RANBP2: variants seen among roughly 807,000 people sequenced by gnomAD.
RANBP2 encodes E3 SUMO-protein ligase RanBP2.
Under a neutral mutation model 303.6 loss-of-function variants are expected in RANBP2, and 57 were observed. That is an observed-to-expected ratio of 0.19 (90% CI 0.15 to 0.23). The LOEUF (loss-of-function observed/expected upper bound fraction) is 0.23, where lower values mean the gene tolerates loss of function less well. Among genes scored for constraint, RANBP2 ranks in the 10% least tolerant of loss-of-function variants. The pLI is 1.00. For synonymous variants in RANBP2, 1,167 were observed against 1,301.5 expected (o/e 0.90, Z 2.23); for missense variants, 3,138 against 3,780.8 (o/e 0.83, Z 4.46).
chr2:109,593,168 C>G, the RANBP2 span: 2 of 1,250,298 alleles, frequency 1.6e-6, no homozygotes, highest in Non-Finnish European at 2.3e-6. Context: ...CATTACTCCC[C>G]AAACCCCATT....
the RANBP2 span, among the ~76,000 whole-genome samples, chr2:108,890,836 A>G: frequency 9.2e-5 from 14 of 152,288 alleles, no homozygotes; most frequent in Non-Finnish European, 1.8e-4. Context: ...CCCAAGTGTC[A>G]TGAAGGCTTT....
chr2:109,090,337 CACACACACACACA>C, the RANBP2 span, among the ~76,000 whole-genome samples: 11 of 146,812 alleles, frequency 7.5e-5, no homozygotes, highest in Non-Finnish European at 1.4e-4. Context: ...CACACACACA[CACACACACACACA>C]CACACACACC....
chr2:109,703,119 G>A, the RANBP2 span, among the ~76,000 whole-genome samples: 1 of 152,144 alleles, frequency 6.6e-6, no homozygotes, highest in Admixed American at 6.5e-5. Flanking sequence ...TAAAGTAATA[G>A]GAAAAATAAA....
the RANBP2 span, among the ~76,000 whole-genome samples, chr2:109,611,918 T>G: frequency 6.6e-6 from 1 of 152,220 alleles, no homozygotes; most frequent in African/African-American, 2.4e-5. Flanking sequence ...TGAGAAAGTC[T>G]GGCAGTTTCT....
the RANBP2 span, among the ~76,000 whole-genome samples, chr2:108,827,665 A>G: frequency 1.3e-5 from 2 of 152,028 alleles, no homozygotes; most frequent in African/African-American, 4.8e-5. Context: ...AAATACAAAA[A>G]ATTAGCCAGG....
At chr2:109,635,772 G>A in the RANBP2 span, among the ~76,000 whole-genome samples, 1 of 152,220 alleles carries the variant, frequency 6.6e-6, no homozygotes, top group Admixed American at 6.5e-5. Flanking sequence ...ATTCCAATTA[G>A]ATGCCATGCA....
chr2:109,200,295 C>T, the RANBP2 span, among the ~76,000 whole-genome samples: 1 of 152,160 alleles, frequency 6.6e-6, no homozygotes, highest in Non-Finnish European at 1.5e-5. Context: ...CGTCTGTTTG[C>T]TCAGAGGCCT....
chr2:109,023,911 C>T, the RANBP2 span, among the ~76,000 whole-genome samples: 5 of 151,174 alleles, frequency 3.3e-5, no homozygotes, highest in African/African-American at 1.2e-4. Flanking sequence ...GTGATCACTG[C>T]TTATATTTTT....
chr2:109,495,937 A>G, the RANBP2 span, among the ~76,000 whole-genome samples: 63 of 152,192 alleles, frequency 4.1e-4, no homozygotes, highest in Non-Finnish European at 7.3e-4. Flanking sequence ...AATATATGCT[A>G]TTGTGTCCAG....
the RANBP2 span, among the ~76,000 whole-genome samples, chr2:109,494,478 G>C: frequency 6.6e-6 from 1 of 151,424 alleles, no homozygotes; most frequent in African/African-American, 2.4e-5. Flanking sequence ...CTGGGAAAAT[G>C]CTGACTCCTC....
chr2:109,038,439 G>C, the RANBP2 span, among the ~76,000 whole-genome samples: 1 of 152,024 alleles, frequency 6.6e-6, no homozygotes, highest in African/African-American at 2.4e-5. Context: ...TGCAAGACCA[G>C]CCTTAGCAAC....
the RANBP2 span, among the ~76,000 whole-genome samples, chr2:109,366,819 C>T: frequency 6.6e-6 from 1 of 152,158 alleles, no homozygotes; most frequent in Non-Finnish European, 1.5e-5. Flanking sequence ...TGCCACTGCA[C>T]TCCAGCCTGG....
At chr2:108,808,113 G>A in the RANBP2 span, among the ~76,000 whole-genome samples, 1 of 152,070 alleles carries the variant, frequency 6.6e-6, no homozygotes, top group Admixed American at 6.6e-5. Flanking sequence ...TGTGTGGTAA[G>A]GTCTTTCAGG....
the RANBP2 span, among the ~76,000 whole-genome samples, chr2:109,698,936 GAGCATTGTACTTTGTTTGGCA>G: frequency 1.3e-5 from 2 of 152,170 alleles, no homozygotes; most frequent in African/African-American, 4.8e-5. Context: ...AAGAAAGAAA[GAGCATTGTACTTTGTTTGGCA>G]AGCAGTTAAA....
chr2:108,884,948 T>C, the RANBP2 span: 110,783 of 152,202 alleles, frequency 0.73, 43,105 homozygotes, highest in East Asian at 0.95. Flanking sequence ...CTTCTGGAAT[T>C]TCCCTGTCTG....
chr2:108,953,613 AC>A, the RANBP2 span, among the ~76,000 whole-genome samples: 1 of 152,092 alleles, frequency 6.6e-6, no homozygotes, highest in African/African-American at 2.4e-5. Flanking sequence ...TTTTTGGTAG[AC>A]CAGGACACAA....
the RANBP2 span, among the ~76,000 whole-genome samples, chr2:109,085,860 C>T: frequency 6.6e-6 from 1 of 152,106 alleles, no homozygotes; most frequent in South Asian, 2.1e-4. Context: ...CCACCTTGGC[C>T]TCCCAAAGTG....
the RANBP2 span, among the ~76,000 whole-genome samples, chr2:109,074,078 T>A: frequency 4.7e-5 from 7 of 150,504 alleles, no homozygotes. Context: ...AAAACAGTTT[T>A]AAAAAAATGG....
At chr2:109,722,662 G>A in the RANBP2 span, among the ~76,000 whole-genome samples, 1 of 152,128 alleles carries the variant, frequency 6.6e-6, no homozygotes, top group Non-Finnish European at 1.5e-5. Flanking sequence ...AGGCCTCAAT[G>A]TGTGTTGTTC....
Sources: gnomAD v4.1 joint callset for allele counts (sites outside exome capture counted in the v4.1 genomes callset) on GRCh38, gnomAD v4.1.1 for gene constraint, MANE v1.5 for transcripts, NCBI Gene and HGNC (gene_info 2026-07-23, HGNC 2026-07-21) for gene names.